Variants in ANKRD36 observed in about 807,000 individuals in gnomAD.
ANKRD36 encodes ankyrin repeat domain-containing protein 36A.
A neutral mutation model predicts 278.1 loss-of-function variants in ANKRD36; 179 were observed. The ratio of observed to expected loss-of-function variants is 0.64; its 90% CI spans 0.57 to 0.73. The LOEUF (loss-of-function observed/expected upper bound fraction) is 0.73, where lower values mean the gene tolerates loss of function less well. Ranked by LOEUF, ANKRD36 falls within the 30% of genes least tolerant of loss-of-function variation. ANKRD36 has a pLI of 0.00. For missense variants in ANKRD36, 1,159 were observed against 1,956.7 expected, an observed-to-expected ratio of 0.59 and a Z score of 7.69; for synonymous variants, 320 against 641.1, an observed-to-expected ratio of 0.50 and a Z score of 7.57.
At chr2:97,173,444 G>A (rs909806881) in intron 22 of ANKRD36, among the ~76,000 whole-genome samples, 2 of 151,814 alleles carry the variant, frequency 1.3e-5, no homozygotes, top group African/African-American at 4.8e-5. Context: ...TGGGAGAGAG[G>A]AGGCCATGGG....
intron 75 of ANKRD36, among the ~76,000 whole-genome samples, chr2:97,262,549 A>T (rs1426966921): frequency 7.8e-6 from 1 of 128,628 alleles, no homozygotes; most frequent in Non-Finnish European, 1.5e-5. Context: ...CTATAATCAA[A>T]TTGTCCAAAG....
At position 97,196,790 on chromosome 2, in the gene ANKRD36, T is replaced by G. The variant is rs766707612; in HGVS notation, c.2653+2T>G. The G allele has an allele frequency of 6.5e-7, 1 of 1,546,058 alleles. No homozygotes were observed. Among genetic ancestry groups the G allele is most frequent in the African/African-American group, 1.4e-5 (1 of 72,910 alleles). On this transcript the variant is annotated splice_donor_variant, in intron 42 of 75. Coordinates refer to ENST00000420699, the MANE Select transcript of ANKRD36 (RefSeq NM_001354587.1). LOFTEE classifies it high-confidence loss of function. The stretch of plus-strand genomic sequence containing the variant: ...AGGATGGAGAAAAATCTAGGACAGG[T>G]AATTCTGAAAACAGATTTAATGTCA...
At chr2:97,129,511 A>T (rs2039510871) in intron 6 of ANKRD36, among the ~76,000 whole-genome samples, 1 of 151,984 alleles carries the variant, frequency 6.6e-6, no homozygotes. Context: ...TTCTGTTGCC[A>T]TTGCTTTTGG....
intron 67 of ANKRD36, among the ~76,000 whole-genome samples, chr2:97,225,850 C>T (rs1206210049): frequency 6.6e-6 from 1 of 150,912 alleles, no homozygotes; most frequent in African/African-American, 2.4e-5. Flanking sequence ...TGTTCAATTC[C>T]CACCTATGAG....
chr2:97,242,386 TCTG>T (rs2074612415), intron 69 of ANKRD36, among the ~76,000 whole-genome samples: 1 of 151,874 alleles, frequency 6.6e-6, no homozygotes, highest in South Asian at 2.1e-4. Context: ...TCAACATCTC[TCTG>T]CTATGTAGAT....
At position 97,152,510 on chromosome 2, in the gene ANKRD36, C is replaced by T. The variant is rs1156922189; in HGVS notation, c.1169C>T (p.Pro390Leu). 5 of 1,470,404 alleles carry T rather than the reference C, an allele frequency of 3.4e-6. No individual in the cohort carries two copies. The South Asian group carries it at 4.8e-5, about 14-fold the overall frequency. 91.1% of individuals were successfully genotyped at this position (1,470,404 alleles called of 1,614,324 possible). A position where few individuals can be genotyped will look rare whatever the true frequency, so the allele number is the denominator to read the frequency against. ...TTTACTTTTTCTTTAATAGTGCTTC[C>T]TCCTGTTGAAGAGGCTGTTGACAGG... is the stretch of plus-strand genomic sequence containing the variant. Reference protein sequence around the residue: ...ISPRSIKDVLPPVEEAVDRCL... With the variant: ...ISPRSIKDVLLPVEEAVDRCL... The change falls in exon 14 of 76, where the codon CCT (proline) becomes CTT (leucine). Residue 390 changes from proline (P) to leucine (L), a missense_variant. Transcript: ENST00000420699.
At chr2:97,173,875 G>GT (rs1559478213) in intron 22 of ANKRD36, among the ~76,000 whole-genome samples, 35 of 150,290 alleles carry the variant, frequency 2.3e-4, no homozygotes, top group East Asian at 5.9e-4. Flanking sequence ...TTTGTTTTTT[G>GT]GTTTTTTTTT....
intron 34 of ANKRD36, among the ~76,000 whole-genome samples, chr2:97,189,845 C>T (rs2058130090): frequency 1.2e-5 from 1 of 85,612 alleles, no homozygotes; most frequent in Non-Finnish European, 4.1e-5. Flanking sequence ...ACTCACTTCA[C>T]ATGCATTTGG....
chr2:97,202,881 G>T (rs1256306596), intron 48 of ANKRD36, among the ~76,000 whole-genome samples: 1 of 151,774 alleles, frequency 6.6e-6, no homozygotes, highest in African/African-American at 2.4e-5. Flanking sequence ...AAAAGAGGAA[G>T]TCATTTGTAT....
At chr2:97,192,285 A>G (rs548814675) in intron 36 of ANKRD36, among the ~76,000 whole-genome samples, 7 of 151,878 alleles carry the variant, frequency 4.6e-5, no homozygotes, top group African/African-American at 7.2e-5. Flanking sequence ...GGTGTGAGAG[A>G]TAATGAATAT....
chr2:97,195,769 A>T (rs535389742), intron 40 of ANKRD36, among the ~76,000 whole-genome samples: 132 of 152,082 alleles, frequency 8.7e-4, no homozygotes, highest in African/African-American at 3.2e-3. Flanking sequence ...ATTATGTTGC[A>T]TTCCAATTAA....
In ANKRD36 at chr2:97,189,437, AAATT is replaced by A. The variant is rs1575550500; in HGVS notation, c.2245+148_2245+151del. 14 of 422,268 alleles carry A rather than the reference AAATT, an allele frequency of 3.3e-5. 3 individuals carry two copies. In the East Asian group the frequency reaches 4.1e-4, roughly 12 times the overall value. 26.2% of individuals were successfully genotyped at this position (422,268 alleles called of 1,614,324 possible). ...AGGCCTGAGAGTCTTCATTTGTAAT[AAATT>A]CCTGGGTGACGCTAATGCTGCTGGC... On this transcript the variant is annotated intron_variant, in intron 34 of 75. Transcript: ENST00000420699.
intron 6 of ANKRD36, among the ~76,000 whole-genome samples, chr2:97,131,185 A>T (rs1337939456): frequency 6.6e-6 from 1 of 151,298 alleles, no homozygotes; most frequent in South Asian, 2.1e-4. Context: ...TTTATATATA[A>T]GTTTCTTGAT....
chr2:97,149,524 AT>A (rs1426415947), intron 12 of ANKRD36, among the ~76,000 whole-genome samples, 163 bp downstream of exon 12: 2 of 127,272 alleles, frequency 1.6e-5, no homozygotes, highest in African/African-American at 2.9e-5. Context: ...GTTAATTTTA[AT>A]TTTTTTTACT....
chr2:97,256,372 C>T (rs2076218267), intron 75 of ANKRD36, among the ~76,000 whole-genome samples: 1 of 152,148 alleles, frequency 6.6e-6, no homozygotes, highest in Non-Finnish European at 1.5e-5. Context: ...AAAAAAAATT[C>T]TGCTTCAATT....
At chr2:97,196,519 T>C in intron 40 of ANKRD36, 74 bp from the exon 41 acceptor site, 9 of 1,592,144 alleles carry the variant, frequency 5.7e-6, no homozygotes, top group African/African-American at 1.3e-5. Flanking sequence ...AGGTTGATGC[T>C]AACTCTGCTT....
In ANKRD36 at chr2:97,209,824, G is replaced by A. The variant is rs201612090; in HGVS notation, c.3319G>A (p.Val1107Ile). 1 of 1,598,398 alleles carries A rather than the reference G, an allele frequency of 6.3e-7. No homozygotes were observed. Among genetic ancestry groups the A allele is most frequent in the African/African-American group, 1.4e-5 (1 of 73,996 alleles). ...LKATSDEKDS[V>I]LYIAREKKDG... ...GGCTACAAGTGACGAGAAAGATTCT[G>A]TTTTGTATATAGCCAGAGAAAAAAA... Residue 1107 changes from valine to isoleucine, a missense_variant, in exon 56 of 76, where the codon GTT becomes ATT. Coordinates refer to ENST00000420699, the MANE Select transcript of ANKRD36 (RefSeq NM_001354587.1).
chr2:97,191,042 A>T (rs1480619641), intron 35 of ANKRD36, 36 bp downstream of exon 35: 11 of 1,603,446 alleles, frequency 6.9e-6, no homozygotes, highest in South Asian at 1.1e-5. Flanking sequence ...GAACTAGTAA[A>T]TCTATAGTCT....
intron 23 of ANKRD36, 35 bp downstream of exon 23, chr2:97,179,801 A>G: frequency 6.3e-7 from 1 of 1,597,634 alleles, no homozygotes; most frequent in East Asian, 2.2e-5. Flanking sequence ...TGAACTATTA[A>G]CTGTATAGTC....
Sources: gnomAD v4.1 joint callset for allele counts (sites outside exome capture counted in the v4.1 genomes callset) on GRCh38, gnomAD v4.1.1 for gene constraint, MANE v1.5 for transcripts, NCBI Gene and HGNC (gene_info 2026-07-23, HGNC 2026-07-21) for gene names.